Variants in EPM2A observed in about 807,000 individuals in gnomAD.
The protein encoded by EPM2A is EPM2A glucan phosphatase, laforin, also known as laforin.
In EPM2A, 21 loss-of-function variants were observed where a neutral mutation model predicts 26.5. The ratio of observed to expected loss-of-function variants is 0.79; its 90% CI spans 0.56 to 1.14. The LOEUF (loss-of-function observed/expected upper bound fraction) is 1.14, where lower values mean the gene tolerates loss of function less well. Among genes scored for constraint, EPM2A ranks in the 50% most tolerant of loss-of-function variants. The probability of loss-of-function intolerance (pLI) is 0.00; values close to 1 mark genes in which losing one functional copy is unlikely to be tolerated. For missense variants in EPM2A, 458 were observed against 440.8 expected, an observed-to-expected ratio of 1.04 and a Z score of -0.35; for synonymous variants, 217 against 177.6, an observed-to-expected ratio of 1.22 and a Z score of -1.76.
At chr6:145,564,036 T>C (rs1780845835) in intron 2 of EPM2A, among the ~76,000 whole-genome samples, 1 of 152,146 alleles carries the variant, frequency 6.6e-6, no homozygotes, top group Non-Finnish European at 1.5e-5. Flanking sequence ...CTGTAAATCA[T>C]CTCTAGATTA....
At chr6:145,672,467 A>G (rs1583021049) in intron 2 of EPM2A, among the ~76,000 whole-genome samples, 1 of 152,368 alleles carries the variant, frequency 6.6e-6, no homozygotes, top group Non-Finnish European at 1.5e-5. Flanking sequence ...ACTAACTACA[A>G]TGATACTACG....
intron 4 of EPM2A, among the ~76,000 whole-genome samples, chr6:145,469,252 CA>C (rs1477250105): frequency 3.3e-5 from 5 of 152,038 alleles, no homozygotes. Flanking sequence ...ACAAAAATAG[CA>C]TGAGGGAAAC....
chr6:145,684,330 T>G (rs938932390), intron 2 of EPM2A, among the ~76,000 whole-genome samples: 1 of 152,064 alleles, frequency 6.6e-6, no homozygotes, highest in Non-Finnish European at 1.5e-5. Flanking sequence ...AATCATTCAG[T>G]GGAAAAAAAT....
chr6:145,410,317 G>A (rs990164584), intron 4 of EPM2A, among the ~76,000 whole-genome samples: 2 of 152,134 alleles, frequency 1.3e-5, no homozygotes, highest in Admixed American at 6.6e-5. Context: ...AAGAAAGAAT[G>A]ACCAAGTAGA....
intron 4 of EPM2A, among the ~76,000 whole-genome samples, chr6:145,484,990 A>AT (rs1562353476): frequency 6.8e-6 from 1 of 146,614 alleles, no homozygotes; most frequent in African/African-American, 2.5e-5. Context: ...ATGACATTAA[A>AT]ATATATATAT....
At chr6:145,386,088 A>G (rs767045952) in intron 4 of EPM2A, among the ~76,000 whole-genome samples, 2 of 152,134 alleles carry the variant, frequency 1.3e-5, no homozygotes, top group Non-Finnish European at 2.9e-5. Flanking sequence ...ATTCAATAGA[A>G]TATTCTTTAA....
downstream of EPM2A, among the ~76,000 whole-genome samples, chr6:145,623,502 T>A (rs1233274231): frequency 6.6e-6 from 1 of 152,162 alleles, no homozygotes; most frequent in Admixed American, 6.5e-5. Context: ...AGGGCCAGTA[T>A]GGCTAGAGCA....
intron 2 of EPM2A, among the ~76,000 whole-genome samples, chr6:145,542,622 T>C (rs1040933245): frequency 2.0e-5 from 3 of 152,202 alleles, no homozygotes; most frequent in African/African-American, 7.2e-5. Flanking sequence ...TGTCATTTGG[T>C]AGGTAATTGA....
chr6:145,427,422 C>T (rs572580400), intron 4 of EPM2A, among the ~76,000 whole-genome samples: 1 of 152,086 alleles, frequency 6.6e-6, no homozygotes, highest in South Asian at 2.1e-4. Flanking sequence ...GTCTGAGAAA[C>T]TGCAAGGAGG....
chr6:145,508,018 C>T (rs899489794), intron 2 of EPM2A, among the ~76,000 whole-genome samples: 2 of 152,146 alleles, frequency 1.3e-5, no homozygotes, highest in African/African-American at 4.8e-5. Context: ...CTAAGTGGCC[C>T]TAAGGGAGAG....
intron 2 of EPM2A, among the ~76,000 whole-genome samples, chr6:145,603,608 A>C (rs936574189): frequency 2.6e-5 from 4 of 152,226 alleles, no homozygotes; most frequent in African/African-American, 4.8e-5. Flanking sequence ...TATTAAATGA[A>C]TCTACTTTCC....
At position 145,656,013 on chromosome 6, in the gene EPM2A, A is replaced by C. The variant is rs943069791; in HGVS notation, c.477-20527T>G. Reference sequence around the variant, plus strand: ...TTCATCTAAGACCTATTTTTTCTGCAAGATTTGAAACGGAAATGTTCAGAG... The same window carrying C: ...TTCATCTAAGACCTATTTTTTCTGCCAGATTTGAAACGGAAATGTTCAGAG... On this transcript the variant is annotated intron_variant, in intron 2 of 3. Coordinates refer to ENST00000367519, the MANE Select transcript of EPM2A (RefSeq NM_005670.4). Among the ~76,000 whole-genome samples, 5 of 152,220 alleles carry C rather than the reference A, an allele frequency of 3.3e-5. No individual in the cohort carries two copies. In the East Asian group the frequency reaches 7.7e-4, roughly 23 times the overall value.
chr6:145,710,956 C>A (rs1775280469), intron 1 of EPM2A, among the ~76,000 whole-genome samples: 1 of 125,300 alleles, frequency 8.0e-6, no homozygotes, highest in African/African-American at 3.2e-5. Context: ...GAACATCACA[C>A]ACCAGGGCCT....
At chr6:145,705,255 C>T (rs1023339437) in intron 1 of EPM2A, among the ~76,000 whole-genome samples, 1 of 151,984 alleles carries the variant, frequency 6.6e-6, no homozygotes, top group African/African-American at 2.4e-5. Flanking sequence ...TCAAGACCAG[C>T]CTGGGCAACA....
chr6:145,384,424 GGAA>G (rs1377740138), intron 4 of EPM2A, among the ~76,000 whole-genome samples: 3 of 125,300 alleles, frequency 2.4e-5, no homozygotes, highest in Non-Finnish European at 5.2e-5. Context: ...GGGCATGGAA[GGAA>G]GAAGGATTGG....
intron 4 of EPM2A, among the ~76,000 whole-genome samples, chr6:145,454,173 T>G (rs1286796424): frequency 6.6e-6 from 1 of 152,222 alleles, no homozygotes; most frequent in Non-Finnish European, 1.5e-5. Flanking sequence ...GCTCCTGTTT[T>G]CAATAATATG....
At chr6:145,499,971 A>C (rs76866695), downstream of EPM2A, among the ~76,000 whole-genome samples, 341 of 152,030 alleles carry the variant, frequency 2.2e-3, 5 homozygotes, top group East Asian at 0.039. Flanking sequence ...TCATATCCTG[A>C]CAACATAAAA....
intron 2 of EPM2A, among the ~76,000 whole-genome samples, chr6:145,656,956 A>C (rs529258920): frequency 6.6e-6 from 1 of 152,324 alleles, no homozygotes; most frequent in Non-Finnish European, 1.5e-5. Context: ...AAAAGCTAGA[A>C]ATTTTTTCAG....
At position 145,600,939 on chromosome 6, in the gene EPM2A, G is replaced by T. The variant is rs143199854; in HGVS notation, c.340+34306C>A. 3.3e-5 allele frequency among the ~76,000 whole-genome samples: 5 copies of T among 152,308 alleles called. No individual in the cohort carries two copies. In the East Asian group the frequency reaches 9.7e-4, roughly 29 times the overall value. On this transcript the variant is annotated intron_variant, in intron 2 of 3. Coordinates refer to the EPM2A transcript ENST00000450221. The stretch of plus-strand genomic sequence containing the variant: ...TAACAAAGTCTCCACTGTCCAGAGG[G>T]TCATGGCTGTACCCTTTCCAATGAG...
Sources: gnomAD v4.1 joint callset for allele counts (sites outside exome capture counted in the v4.1 genomes callset) on GRCh38, gnomAD v4.1.1 for gene constraint, MANE v1.5 for transcripts, NCBI Gene and HGNC (gene_info 2026-07-23, HGNC 2026-07-21) for gene names.